PCDH15: variants seen among roughly 807,000 people sequenced by gnomAD.
PCDH15 encodes protocadherin-15.
In PCDH15, 129 loss-of-function variants were observed where a neutral mutation model predicts 178.5. The ratio of observed to expected loss-of-function variants is 0.72; its 90% CI spans 0.63 to 0.84. The LOEUF (loss-of-function observed/expected upper bound fraction) is 0.84, where lower values mean the gene tolerates loss of function less well. Ranked by LOEUF, PCDH15 falls within the 40% of genes least tolerant of loss-of-function variation. The probability of loss-of-function intolerance (pLI) is 0.00; values close to 1 mark genes in which losing one functional copy is unlikely to be tolerated. For synonymous variants in PCDH15, 800 were observed against 732.0 expected (o/e 1.09, Z -1.50); for missense variants, 2,230 against 2,099.9 (o/e 1.06, Z -1.21).
intron 21 of PCDH15, among the ~76,000 whole-genome samples, chr10:53,972,308 G>T (rs1010289129): frequency 7.0e-6 from 1 of 142,400 alleles, no homozygotes; most frequent in South Asian, 2.2e-4. Flanking sequence ...TAAAGACTTA[G>T]ATGTTAGACC....
At chr10:55,045,965 A>G (rs2131982411) in intron 2 of PCDH15, among the ~76,000 whole-genome samples, 1 of 152,204 alleles carries the variant, frequency 6.6e-6, no homozygotes, top group East Asian at 1.9e-4. Context: ...ACTCATCAAA[A>G]CATGTGTGAA....
chr10:54,598,126 T>C (rs1336073774), intron 2 of PCDH15, among the ~76,000 whole-genome samples: 1 of 152,076 alleles, frequency 6.6e-6, no homozygotes, highest in East Asian at 1.9e-4. Flanking sequence ...CCTCAACTCA[T>C]TCTATGAGGC....
At chr10:55,352,327 C>T (rs1438490597) in intron 2 of PCDH15, among the ~76,000 whole-genome samples, 1 of 152,000 alleles carries the variant, frequency 6.6e-6, no homozygotes, top group Non-Finnish European at 1.5e-5. Context: ...TATTCGAGTT[C>T]AAAAACGGGT....
At chr10:55,620,857 A>G (rs1843577439) in intron 2 of PCDH15, among the ~76,000 whole-genome samples, 1 of 151,600 alleles carries the variant, frequency 6.6e-6, no homozygotes, top group Non-Finnish European at 1.5e-5. Context: ...CTCAAATGAT[A>G]TCAGCTCAAA....
chr10:54,717,006 G>C (rs2095488588), intron 1 of PCDH15, among the ~76,000 whole-genome samples: 1 of 148,842 alleles, frequency 6.7e-6, no homozygotes, highest in Non-Finnish European at 1.5e-5. Context: ...ACAAGCAATG[G>C]GGAAAGGATT....
chr10:53,838,621 A>T (rs1480101959), intron 29 of PCDH15, among the ~76,000 whole-genome samples: 1 of 152,222 alleles, frequency 6.6e-6, no homozygotes, highest in Non-Finnish European at 1.5e-5. Flanking sequence ...AACAAAACTA[A>T]TGTATGCAAA....
chr10:55,048,132 G>A (rs1021666802), intron 2 of PCDH15, among the ~76,000 whole-genome samples: 6 of 151,756 alleles, frequency 4.0e-5, no homozygotes, highest in African/African-American at 1.4e-4. Context: ...AAAAGGAGGA[G>A]AATCATGAAA....
At chr10:54,939,493 T>TAAAA (rs1838002834) in intron 2 of PCDH15, among the ~76,000 whole-genome samples, 1 of 10,206 alleles carries the variant, frequency 9.8e-5, no homozygotes, top group South Asian at 2.6e-3. Flanking sequence ...AGACTCCGTC[T>TAAAA]CAAAAAAAAA....
chr10:54,625,170 T>C (rs190037459), intron 2 of PCDH15, among the ~76,000 whole-genome samples: 311 of 152,262 alleles, frequency 2.0e-3, no homozygotes, highest in South Asian at 3.5e-3. Flanking sequence ...AACTGGCACT[T>C]ACAGAAATAA....
intron 26 of PCDH15, among the ~76,000 whole-genome samples, chr10:53,881,108 A>G (rs2080682418): frequency 6.6e-6 from 1 of 152,186 alleles, no homozygotes; most frequent in Non-Finnish European, 1.5e-5. Flanking sequence ...ACCAACTTAC[A>G]AGTTTGCTAA....
intron 2 of PCDH15, among the ~76,000 whole-genome samples, chr10:54,586,718 T>A (rs1182060620): frequency 6.6e-6 from 1 of 152,158 alleles, no homozygotes; most frequent in Non-Finnish European, 1.5e-5. Context: ...TTAGACCAGT[T>A]ACCCAGCTCA....
intron 8 of PCDH15, among the ~76,000 whole-genome samples, chr10:54,301,888 T>C (rs1432035152): frequency 6.6e-6 from 1 of 152,208 alleles, no homozygotes; most frequent in East Asian, 1.9e-4. Flanking sequence ...GGGAATTTCT[T>C]TACTGTCTTT....
intron 2 of PCDH15, among the ~76,000 whole-genome samples, chr10:55,340,944 T>C (rs61182552): frequency 0.069 from 10,531 of 151,994 alleles, 883 homozygotes; most frequent in African/African-American, 0.2. Context: ...TTTGTCAAAA[T>C]ACCCCAGGAT....
At chr10:54,389,676 C>T (rs991363918) in intron 3 of PCDH15, among the ~76,000 whole-genome samples, 2 of 151,928 alleles carry the variant, frequency 1.3e-5, no homozygotes, top group African/African-American at 2.4e-5. Context: ...TGGTGGCTCA[C>T]GCCTGTAATC....
intron 2 of PCDH15, among the ~76,000 whole-genome samples, chr10:54,962,305 C>T (rs1027719656): frequency 8.5e-5 from 13 of 152,152 alleles, no homozygotes; most frequent in Admixed American, 3.3e-4. Context: ...AGCCACCCCA[C>T]GTGATGGGAA....
chr10:54,906,586 A>C (rs1412877180), intron 2 of PCDH15, among the ~76,000 whole-genome samples: 1 of 152,162 alleles, frequency 6.6e-6, no homozygotes, highest in Admixed American at 6.5e-5. Context: ...CAATTAGCTC[A>C]GTGCTAGGCT....
At chr10:55,590,755 G>T (rs1842828071) in intron 2 of PCDH15, among the ~76,000 whole-genome samples, 1 of 152,076 alleles carries the variant, frequency 6.6e-6, no homozygotes, top group African/African-American at 2.4e-5. Context: ...TTATTATACA[G>T]CATCTGGTCA....
chr10:54,422,130 G>A (rs375734441), intron 3 of PCDH15, among the ~76,000 whole-genome samples: 20 of 151,684 alleles, frequency 1.3e-4, no homozygotes, highest in East Asian at 1.9e-4. Context: ...GAGATTTGCC[G>A]AGGTCATTTT....
chr10:54,282,264 T>C (rs936417501), intron 8 of PCDH15, among the ~76,000 whole-genome samples: 1 of 152,058 alleles, frequency 6.6e-6, no homozygotes, highest in Admixed American at 6.6e-5. Context: ...ATCACTGTTT[T>C]AGTAGGATCT....
Sources: gnomAD v4.1 joint callset for allele counts (sites outside exome capture counted in the v4.1 genomes callset) on GRCh38, gnomAD v4.1.1 for gene constraint, MANE v1.5 for transcripts, NCBI Gene and HGNC (gene_info 2026-07-23, HGNC 2026-07-21) for gene names.